TNC: variants seen among roughly 807,000 people sequenced by gnomAD.
TNC encodes tenascin C.
In TNC, 109 loss-of-function variants were observed where a neutral mutation model predicts 202.4. The ratio of observed to expected loss-of-function variants is 0.54; its 90% CI spans 0.46 to 0.63. The LOEUF is 0.63. TNC is among the 30% of genes least tolerant of loss of function. The pLI, the probability that TNC is intolerant of heterozygous loss-of-function variation, is 0.00. For synonymous variants in TNC, 1,007 were observed against 1,089.7 expected (o/e 0.92, Z 1.50); for missense variants, 2,756 against 2,833.3 (o/e 0.97, Z 0.62).
chr9:115,038,808 CTCTTT>C (rs1247869070), intron 19 of TNC, among the ~76,000 whole-genome samples: 1 of 151,540 alleles, frequency 6.6e-6, no homozygotes, highest in Non-Finnish European at 1.5e-5. Flanking sequence ...CTTTTCTTTT[CTCTTT>C]TCTTTTCTTT....
chr9:115,042,188 C>T (rs772667807), intron 18 of TNC, 31 bp downstream of exon 18: 4 of 1,608,730 alleles, frequency 2.5e-6, no homozygotes, highest in African/African-American at 1.3e-5. Flanking sequence ...CACAACACTC[C>T]TCCTCTCTCT....
Position 115,057,192 on chromosome 9 carries a change from T to C in TNC, c.4540A>G (p.Ser1514Gly). 1 of 1,613,928 alleles carries C rather than the reference T, an allele frequency of 6.2e-7. No homozygotes were observed. ...GCACTGATGGTTTTGGTCCGGATGC[T>C]GGGAGCAAGTCCAGAGAGGTAGACA... ...FIVYLSGLAPSIRTKTISATA... is the reference protein window; with the variant it reads ...FIVYLSGLAPGIRTKTISATA... Residue 1514 changes from serine to glycine, a missense_variant, in exon 15 of 28, where the codon AGC (serine) becomes GGC (glycine). Coordinates refer to ENST00000350763, the MANE Select transcript of TNC (RefSeq NM_002160.4).
intron 5 of TNC, 82 bp downstream of exon 5, chr9:115,082,610 G>T (rs916360335): frequency 4.2e-6 from 4 of 951,076 alleles, no homozygotes; most frequent in Non-Finnish European, 6.6e-6. Flanking sequence ...AGGAAAATTA[G>T]TTGATACAGA....
chr9:115,040,891 C>T, intron 19 of TNC, 50 bp downstream of exon 19: 2 of 1,531,274 alleles, frequency 1.3e-6, no homozygotes, highest in South Asian at 1.2e-5. Context: ...GCACAAGTGA[C>T]CTCTGAAAAA....
intron 20 of TNC, among the ~76,000 whole-genome samples, chr9:115,037,785 CCCAAAGTG>C (rs1830444633): frequency 6.6e-6 from 1 of 152,186 alleles, no homozygotes; most frequent in East Asian, 1.9e-4. Flanking sequence ...GCCCTGGCCT[CCCAAAGTG>C]CTGGATTACA....
chr9:115,063,706 C>T (rs966573267), intron 12 of TNC, 90 bp downstream of exon 12: 8 of 1,380,506 alleles, frequency 5.8e-6, no homozygotes, highest in East Asian at 4.6e-5. Flanking sequence ...GTGGTAGGAG[C>T]TGATCCCAGT....
chr9:115,037,271 C>G (rs1830402151), intron 20 of TNC, among the ~76,000 whole-genome samples: 1 of 152,210 alleles, frequency 6.6e-6, no homozygotes, highest in East Asian at 1.9e-4. Context: ...AAAACAATAC[C>G]AAACCATAAA....
intron 1 of TNC, among the ~76,000 whole-genome samples, chr9:115,111,472 G>C (rs146098456): frequency 8.1e-6 from 1 of 124,046 alleles, no homozygotes; most frequent in Non-Finnish European, 1.6e-5. Flanking sequence ...GGAATGGCTC[G>C]ATCTTGGCTC....
chr9:115,104,663 T>C (rs1333198356), intron 1 of TNC, among the ~76,000 whole-genome samples: 1 of 152,248 alleles, frequency 6.6e-6, no homozygotes, highest in Non-Finnish European at 1.5e-5. Flanking sequence ...TAATAAACGT[T>C]ACACATATGT....
At chr9:115,068,492 G>A (rs1461335908) in intron 10 of TNC, among the ~76,000 whole-genome samples, 1 of 152,144 alleles carries the variant, frequency 6.6e-6, no homozygotes, top group Non-Finnish European at 1.5e-5. Context: ...CAGGGGCATG[G>A]TCACATCCAA....
Position 115,082,713 on chromosome 9 carries a change from C to A in TNC, c.2226G>T (p.Trp742Cys). The part of the protein sequence containing the change: ...WDPLDIAFET[W>C]EIIFRNMNKE... ...TTACCATATTCCGGAAGATGATCTC[C>A]CAGGTTTCAAAAGCAATGTCTAGAG... is the stretch of plus-strand genomic sequence containing the variant. Residue 742 changes from tryptophan to cysteine, a missense_variant, in exon 5 of 28, where the codon TGG becomes TGT. This residue lies in a region of TNC where 2,559 missense variants were observed against 2,546.0 expected (regional missense o/e 1.01). Transcript: ENST00000350763. 6.2e-7 allele frequency: 1 copy of A among 1,613,278 alleles called. No homozygotes were observed. Among genetic ancestry groups the A allele is most frequent in the Non-Finnish European group, 8.5e-7 (1 of 1,179,284 alleles).
At chr9:115,034,723 A>T (rs1830190048) in intron 22 of TNC, among the ~76,000 whole-genome samples, 2 of 152,242 alleles carry the variant, frequency 1.3e-5, no homozygotes, top group African/African-American at 4.8e-5. Flanking sequence ...ATCTAAAGTT[A>T]TTTCAAATTA....
At chr9:115,048,625 G>A in intron 15 of TNC, 93 bp from the exon 16 acceptor site, 1 of 1,263,854 alleles carries the variant, frequency 7.9e-7, no homozygotes, top group Non-Finnish European at 1.1e-6. Flanking sequence ...AGATACCCAA[G>A]TCCATCATTC....
chr9:115,064,354 G>A (rs976378808), intron 11 of TNC, among the ~76,000 whole-genome samples: 3 of 152,088 alleles, frequency 2.0e-5, no homozygotes, highest in Non-Finnish European at 2.9e-5. Flanking sequence ...GTGCCTTAAC[G>A]TCCTTTAACA....
intron 26 of TNC, among the ~76,000 whole-genome samples, chr9:115,025,644 C>T (rs1794650942): frequency 6.6e-6 from 1 of 152,000 alleles, no homozygotes; most frequent in African/African-American, 2.4e-5. Flanking sequence ...TTACCTTGGA[C>T]AAATCACTGA....
At chr9:115,041,114 T>C in intron 18 of TNC, 30 bp from the exon 19 acceptor site, 2 of 1,591,084 alleles carry the variant, frequency 1.3e-6, no homozygotes, top group Non-Finnish European at 1.7e-6. Flanking sequence ...AGATGAGGAA[T>C]AATGAACCTC....
Position 115,081,888 on chromosome 9 carries a change from C to T in TNC, c.2288G>A (p.Arg763Lys). ...DEGEITKSLR[R>K]PETSYRQTGL... The stretch of plus-strand genomic sequence containing the variant: ...AGTTTGCCGGTAAGAGGTCTCTGGC[C>T]TCCTCAGGCTTTTGGTGATCTCTCC... The change falls in exon 6 of 28, where the codon AGG becomes AAG. Residue 763 changes from arginine (R) to lysine (K), a missense_variant. Transcript: ENST00000350763. The T allele has an allele frequency of 6.3e-7, 1 of 1,597,804 alleles. No homozygotes were observed. The highest frequency in any genetic ancestry group is 8.5e-7 in the Non-Finnish European group (1 of 1,176,058).
chr9:115,105,989 G>A (rs975048619), intron 1 of TNC, among the ~76,000 whole-genome samples: 2 of 152,194 alleles, frequency 1.3e-5, no homozygotes, highest in African/African-American at 4.8e-5. Context: ...GGCACACGAT[G>A]GGGGAAGAAC....
At chr9:115,056,725 TA>T (rs1832154892) in intron 15 of TNC, among the ~76,000 whole-genome samples, 1 of 152,206 alleles carries the variant, frequency 6.6e-6, no homozygotes, top group Non-Finnish European at 1.5e-5. Flanking sequence ...ATCACTGGGA[TA>T]TTTGGGTATT....
Sources: allele counts gnomAD v4.1 joint callset (sites outside exome capture counted in the v4.1 genomes callset), GRCh38; gene constraint gnomAD v4.1.1; regional missense constraint gnomAD v4.1.1; transcripts MANE v1.5; gene names NCBI Gene and HGNC (gene_info 2026-07-23, HGNC 2026-07-21).